AGMAT: variants seen among roughly 807,000 people sequenced by gnomAD.
The protein encoded by AGMAT is guanidino acid hydrolase, mitochondrial.
A neutral mutation model predicts 29.3 loss-of-function variants in AGMAT; 37 were observed. The observed-to-expected ratio is 1.26, with a 90% CI of 0.97 to 1.66. The LOEUF (loss-of-function observed/expected upper bound fraction) is 1.66. Among genes scored for constraint, AGMAT ranks in the 40% most tolerant of loss-of-function variants. The probability of loss-of-function intolerance (pLI) is 0.00; values close to 1 mark genes in which losing one functional copy is unlikely to be tolerated. For missense variants in AGMAT, 498 were observed against 497.8 expected (o/e 1.00, Z 0.00); for synonymous variants, 199 against 200.8 (o/e 0.99, Z 0.08).
At position 15,578,921 on chromosome 1, in the gene AGMAT, C is replaced by T. The variant is rs1557596713; in HGVS notation, c.658G>A (p.Val220Met). 4.3e-6 allele frequency: 7 copies of T among 1,614,184 alleles called. No homozygotes were observed. The highest frequency in any genetic ancestry group is 2.2e-5 in the East Asian group (1 of 44,868). Residue 220 changes from valine (V) to methionine (M), a missense_variant, in exon 4 of 7, where the codon GTG (valine) becomes ATG (methionine). Transcript: ENST00000375826. ...DEGLLDCKRV[V>M]QIGIRGSSTT... ...GAAGAGCCCCGGATGCCAATCTGCA[C>T]CACACGCTTACAGTCCAGGAGACCC...
At chr1:15,576,941 G>A (rs1303695634) in intron 5 of AGMAT, among the ~76,000 whole-genome samples, 1 of 145,666 alleles carries the variant, frequency 6.9e-6, no homozygotes, top group Non-Finnish European at 1.5e-5. Context: ...TAGTAGAGAC[G>A]GAGTTTCACC....
rs142035319 is a variant in AGMAT at position 15,580,093 on chromosome 1, C to T, written c.524+1G>A. On this transcript the variant is annotated splice_donor_variant, in intron 3 of 6. Coordinates refer to ENST00000375826, the MANE Select transcript of AGMAT (RefSeq NM_024758.5). LOFTEE classifies it high-confidence loss of function. ...CTGGGCCCAAGCCATTTGAGACTTA[C>T]TTTTTTGCCATCGCTTGCAATATGG... 1.9e-5 allele frequency: 30 copies of T among 1,612,400 alleles called. No individual in the cohort carries two copies. The highest frequency in any genetic ancestry group is 2.4e-5 in the Non-Finnish European group (28 of 1,179,116).
In AGMAT at chr1:15,584,880, G is replaced by A; in HGVS notation, c.88C>T (p.Arg30Cys). ...RPAAGLFHPGRRQSRQASDAP... is the reference protein window; with the variant it reads ...RPAAGLFHPGCRQSRQASDAP... ...TCGGAAGCCTGGCGGCTCTGGCGGC[G>A]CCCCGGATGAAAGAGCCCTGCGGCA... The change falls in exon 1 of 7, where the codon CGC (arginine) becomes TGC (cysteine). Residue 30 changes from arginine (R) to cysteine (C), a missense_variant. Coordinates refer to ENST00000375826, the MANE Select transcript of AGMAT (RefSeq NM_024758.5). 1 of 1,405,116 alleles carries A rather than the reference G, an allele frequency of 7.1e-7. No individual in the cohort carries two copies. Among genetic ancestry groups the A allele is most frequent in the East Asian group, 3.0e-5 (1 of 33,600 alleles). The allele number at this position is 1,405,116 out of a possible 1,614,324, so 87.0% of individuals were successfully genotyped here.
chr1:15,578,240 T>A (rs1326094917), intron 4 of AGMAT, among the ~76,000 whole-genome samples: 2 of 152,022 alleles, frequency 1.3e-5, no homozygotes, highest in Admixed American at 1.3e-4. Flanking sequence ...GCCTAGAGGG[T>A]ACGAGGACCA....
chr1:15,582,648 C>G (rs921863948), intron 2 of AGMAT, among the ~76,000 whole-genome samples: 2 of 152,066 alleles, frequency 1.3e-5, no homozygotes. Context: ...TGATGTAGAC[C>G]CTGAGCAGGA....
rs190399856 is a variant in AGMAT at position 15,573,590 on chromosome 1, A to C, written c.*61T>G. ...TCTTTAGTTCTCAGACTGCTTACTCATAAGTTCTTCTTGAGAACTTGTCAG... is the reference window on the plus strand; with the variant it reads ...TCTTTAGTTCTCAGACTGCTTACTCCTAAGTTCTTCTTGAGAACTTGTCAG... On this transcript the variant is annotated 3_prime_UTR_variant, in exon 7 of 7. Transcript: ENST00000375826. 16 of 1,516,222 alleles carry C rather than the reference A, an allele frequency of 1.1e-5. 1 individual carries two copies. The Admixed American group carries it at 2.5e-4, about 24-fold the overall frequency. The allele number at this position is 1,516,222 out of a possible 1,614,324, so 93.9% of individuals were successfully genotyped here.
chr1:15,578,902 C>G lies in AGMAT; in HGVS notation c.677G>C (p.Gly226Ala). The G allele has an allele frequency of 1.9e-6, 3 of 1,614,158 alleles. No homozygotes were observed. The highest frequency in any genetic ancestry group is 2.5e-6 in the Non-Finnish European group (3 of 1,180,034). ...CKRVVQIGIR[G>A]SSTTLDPYRY... is the part of the protein sequence containing the mutation. ...GTAGGGATCCAAGGTCGTGGAAGAG[C>G]CCCGGATGCCAATCTGCACCACACG... Residue 226 changes from glycine to alanine, a missense_variant, in exon 4 of 7, where the codon GGC becomes GCC. Physicochemically the swap from Gly to Ala is moderately conservative, Grantham distance 60 (BLOSUM62 0). Coordinates refer to ENST00000375826, the MANE Select transcript of AGMAT (RefSeq NM_024758.5).
rs1253525639 is a variant in AGMAT, at chr1:15,584,794, G to T, written c.174C>A (p.Ser58=). 4 of 1,390,960 alleles carry T rather than the reference G, an allele frequency of 2.9e-6. No individual in the cohort carries two copies. Among genetic ancestry groups the T allele is most frequent in the Non-Finnish European group, 3.7e-6 (4 of 1,074,154 alleles). The allele number at this position is 1,390,960 out of a possible 1,614,324, so 86.2% of individuals were successfully genotyped here. Residue 58 remains serine, a synonymous_variant, in exon 1 of 7, where the codon TCC becomes TCA. Transcript: ENST00000375826. ...AGGTCTGCACCGGCAGGCGCATCATGGAGCAGACGCCCACCGGCCGGGCCA... is the reference window on the plus strand; with the variant it reads ...AGGTCTGCACCGGCAGGCGCATCATTGAGCAGACGCCCACCGGCCGGGCCA... ...EFVARPVGVC[S]MMRLPVQTSP...
At chr1:15,579,639 A>G (rs753153118) in intron 3 of AGMAT, among the ~76,000 whole-genome samples, 11 of 152,178 alleles carry the variant, frequency 7.2e-5, no homozygotes, top group Non-Finnish European at 1.3e-4. Context: ...AAGTCGGCCA[A>G]TCCTGGGTAG....
Position 15,583,336 on chromosome 1 carries a change from G to A in AGMAT, c.332C>T (p.Thr111Met), listed in dbSNP as rs759991245. ...SVMLGTVNPS[T>M]GALPFQSLMV... ...GAGGGACTGGAAGGGGAGGGCCCCC[G>A]TGCTAGGATTGACTGTCCCAAGCAT... Residue 111 changes from threonine to methionine, a missense_variant, in exon 2 of 7, where the codon ACG (threonine) becomes ATG (methionine). Thr to Met is a moderately conservative substitution (Grantham distance 81). Transcript: ENST00000375826. 1.2e-5 allele frequency: 20 copies of A among 1,614,034 alleles called. No individual in the cohort carries two copies. The highest frequency in any genetic ancestry group is 6.7e-5 in the African/African-American group (5 of 74,920).
At position 15,584,727 on chromosome 1, in the gene AGMAT, C is replaced by T; in HGVS notation, c.241G>A (p.Asp81Asn). 3.0e-6 allele frequency: 4 copies of T among 1,345,368 alleles called. No homozygotes were observed. 83.3% of individuals were successfully genotyped at this position (1,345,368 alleles called of 1,614,324 possible). ...LDAAFIGVPLDTGTSNRPGAR... is the reference protein window; with the variant it reads ...LDAAFIGVPLNTGTSNRPGAR... Reference sequence around the variant, plus strand: ...CCAGGCCGGTTGGAGGTCCCAGTATCCAGGGGCACCCCGATGAAGGCAGCG... The same window carrying T: ...CCAGGCCGGTTGGAGGTCCCAGTATTCAGGGGCACCCCGATGAAGGCAGCG... The change falls in exon 1 of 7, where the codon GAT becomes AAT. Residue 81 changes from aspartate to asparagine, a missense_variant. Asp to Asn is a conservative substitution (Grantham distance 23, BLOSUM62 1). Coordinates refer to ENST00000375826, the MANE Select transcript of AGMAT (RefSeq NM_024758.5).
At chr1:15,581,735 C>T (rs1035267448) in intron 2 of AGMAT, among the ~76,000 whole-genome samples, 4 of 151,848 alleles carry the variant, frequency 2.6e-5, no homozygotes, top group South Asian at 2.1e-4. Flanking sequence ...ATTAGCTGGG[C>T]GTGGTGGCAC....
At chr1:15,578,389 C>T (rs993102163) in intron 4 of AGMAT, among the ~76,000 whole-genome samples, 5 of 151,858 alleles carry the variant, frequency 3.3e-5, no homozygotes, top group African/African-American at 7.3e-5. Flanking sequence ...CCACCTCCCA[C>T]GTTCAAGCAA....
chr1:15,581,880 A>C (rs543656412), intron 2 of AGMAT, among the ~76,000 whole-genome samples: 22 of 152,198 alleles, frequency 1.4e-4, no homozygotes, highest in African/African-American at 5.3e-4. Flanking sequence ...TTAAGTAGCC[A>C]CATGTGGCTA....
chr1:15,579,293 C>T (rs1639081950), intron 3 of AGMAT, among the ~76,000 whole-genome samples: 1 of 152,134 alleles, frequency 6.6e-6, no homozygotes, highest in African/African-American at 2.4e-5. Context: ...ACACCTATCA[C>T]CCAGAATTTG....
At chr1:15,584,338 G>A (rs904504982) in intron 1 of AGMAT, among the ~76,000 whole-genome samples, 2 of 150,730 alleles carry the variant, frequency 1.3e-5, no homozygotes, top group Non-Finnish European at 1.5e-5. Flanking sequence ...CCTTTGTAGA[G>A]ACAGAGTTTC....
chr1:15,576,353 C>T (rs1639036532), intron 5 of AGMAT, among the ~76,000 whole-genome samples: 1 of 152,064 alleles, frequency 6.6e-6, no homozygotes, highest in Admixed American at 6.6e-5. Context: ...CCGCCTGATG[C>T]CTTGGCCTCC....
At position 15,572,846 on chromosome 1, in the gene AGMAT, G is replaced by T. The variant is rs1638977524; in HGVS notation, c.*805C>A. The T allele has an allele frequency of 6.9e-6, 1 of 145,004 alleles. No individual in the cohort carries two copies. The allele number at this position is 145,004 out of a possible 1,614,324, so 9.0% of individuals were successfully genotyped here. On this transcript the variant is annotated 3_prime_UTR_variant, in exon 7 of 7. Coordinates refer to ENST00000375826, the MANE Select transcript of AGMAT (RefSeq NM_024758.5). ...TTTTTTTTTTTTTTTTTGAGATGGA[G>T]TCTTGCTCTGGCACCCAGGCTGGAG...
Position 15,584,884 on chromosome 1 carries a change from C to G in AGMAT, c.84G>C (p.Pro28=), listed in dbSNP as rs779531851. 11 of 1,404,310 alleles carry G rather than the reference C, an allele frequency of 7.8e-6. No individual in the cohort carries two copies. The highest frequency in any genetic ancestry group is 1.0e-5 in the Non-Finnish European group (11 of 1,085,920). The allele number at this position is 1,404,310 out of a possible 1,614,324, so 87.0% of individuals were successfully genotyped here. A position where few individuals can be genotyped will look rare whatever the true frequency, so the allele number is the denominator to read the frequency against. ...GARPAAGLFH[P]GRRQSRQASD... ...AAGCCTGGCGGCTCTGGCGGCGCCC[C>G]GGATGAAAGAGCCCTGCGGCAGGAC... is the stretch of plus-strand genomic sequence containing the variant. Residue 28 remains proline (P), a synonymous_variant, in exon 1 of 7, where the codon CCG becomes CCC. Coordinates refer to ENST00000375826, the MANE Select transcript of AGMAT (RefSeq NM_024758.5).
Sources: gnomAD v4.1 joint callset for allele counts (sites outside exome capture counted in the v4.1 genomes callset) on GRCh38, gnomAD v4.1.1 for gene constraint, MANE v1.5 for transcripts, NCBI Gene and HGNC (gene_info 2026-07-23, HGNC 2026-07-21) for gene names.